The following DNAJC14 variants were observed in gnomAD, a reference collection of about 807,000 sequenced individuals.
The protein encoded by DNAJC14 is DnaJ heat shock protein family (Hsp40) member C14, also known as dnaJ homolog subfamily C member 14.
Under a neutral mutation model 68.8 loss-of-function variants are expected in DNAJC14, and 12 were observed. The observed-to-expected ratio is 0.17, with a 90% confidence interval of 0.11 to 0.28. The LOEUF (loss-of-function observed/expected upper bound fraction) is 0.28, where lower values mean the gene tolerates loss of function less well. Ranked by LOEUF, DNAJC14 falls within the 10% of genes least tolerant of loss-of-function variation. The pLI, the probability that DNAJC14 is intolerant of heterozygous loss-of-function variation, is 1.00. For missense variants in DNAJC14, 764 were observed against 875.6 expected (o/e 0.87, Z 1.61); for synonymous variants, 350 against 321.5 (o/e 1.09, Z -0.95).
Position 55,827,834 on chromosome 12 carries a change from G to A in DNAJC14, c.825C>T (p.Ala275=), listed in dbSNP as rs1003345099. 6.2e-7 allele frequency: 1 copy of A among 1,613,996 alleles called. No homozygotes were observed. Among genetic ancestry groups the A allele is most frequent in the Non-Finnish European group, 8.5e-7 (1 of 1,179,896 alleles). ...AATCACTGCTTTTCAGTTGCCTGCA[G>A]GCATAGATGAGATGGCCACAAGTTT... The part of the protein sequence containing the change: ...YVETCGHLIY[A]CRQLKSSDLD... Residue 275 remains alanine, a synonymous_variant, in exon 2 of 7, where the codon GCC becomes GCT. Coordinates refer to ENST00000678005, the MANE Select transcript of DNAJC14 (RefSeq NM_032364.6).
chr12:55,823,641 ACT>A (rs1168959380), intron 2 of DNAJC14, 133 bp from the exon 3 acceptor site: 45 of 671,134 alleles, frequency 6.7e-5, no homozygotes, highest in African/African-American at 5.5e-5. Flanking sequence ...AACTGCTCTG[ACT>A]CTGCAGATCT....
intron 4 of DNAJC14, 142 bp from the exon 5 acceptor site, chr12:55,822,874 T>C (rs997761739): frequency 1.1e-5 from 15 of 1,392,278 alleles, no homozygotes; most frequent in African/African-American, 1.4e-5. Flanking sequence ...CAACGTTCTA[T>C]CCTAAAGCTA....
Position 55,822,160 on chromosome 12 carries a change from A to G in DNAJC14, c.1926T>C (p.Asp642=). ...QRATPDAPPA[D]LQDFLSRIFQ... is the part of the protein sequence containing the mutation. ...AGATCCGACTCAAGAAATCCTGAAG[A>G]TCAGCAGGAGGGGCATCTGGGGTGG... is the stretch of plus-strand genomic sequence containing the variant. The change falls in exon 7 of 7, where the codon GAT becomes GAC. Residue 642 remains aspartate (D), a synonymous_variant. Coordinates refer to ENST00000678005, the MANE Select transcript of DNAJC14 (RefSeq NM_032364.6). The G allele has an allele frequency of 6.2e-7, 1 of 1,603,350 alleles. No individual in the cohort carries two copies.
upstream of DNAJC14, chr12:55,829,791 A>C (rs907621767): frequency 3.3e-5 from 6 of 184,496 alleles, no homozygotes; most frequent in African/African-American, 1.4e-4. Context: ...GCGTGTGGGA[A>C]TGGGATTCCC....
upstream of DNAJC14, chr12:55,829,678 A>G: frequency 1.1e-6 from 1 of 926,250 alleles, no homozygotes; most frequent in Non-Finnish European, 1.3e-6. Flanking sequence ...GAAAAGAAAT[A>G]GCGGTTGGCT....
chr12:55,823,701 C>CTTTTTTTT (rs57733478), intron 2 of DNAJC14, among the ~76,000 whole-genome samples, 193 bp from the exon 3 acceptor site: 1 of 129,826 alleles, frequency 7.7e-6, no homozygotes, highest in Non-Finnish European at 1.6e-5. Flanking sequence ...CCTTGAATAT[C>CTTTTTTTT]TTTTTTTTTT....
intron 6 of DNAJC14, 78 bp downstream of exon 6, chr12:55,822,295 T>C (rs1477521710): frequency 1.9e-5 from 29 of 1,552,206 alleles, no homozygotes; most frequent in Non-Finnish European, 2.5e-5. Flanking sequence ...GGCCCCTGGG[T>C]GTCCTAAAAA....
intron 2 of DNAJC14, among the ~76,000 whole-genome samples, chr12:55,826,271 CTTTTT>C (rs1164806475): frequency 2.3e-5 from 2 of 85,796 alleles, no homozygotes; most frequent in African/African-American, 9.9e-5. Flanking sequence ...GGGAAAATAT[CTTTTT>C]TTTTTTTTTT....
rs1880823228 is a variant in DNAJC14, at chr12:55,827,274, G to A, written c.1385C>T (p.Ala462Val). 1 of 1,556,248 alleles carries A rather than the reference G, an allele frequency of 6.4e-7. No homozygotes were observed. The highest frequency in any genetic ancestry group is 1.2e-5 in the South Asian group (1 of 82,514). ...CACCATCACTGCCAGCTGTCTATAG[G>A]CCTTCTTCAGTTCAACATCTGATGC... ...ATASDVELKK[A>V]YRQLAVMVHP... The change falls in exon 2 of 7, where the codon GCC (alanine) becomes GTC (valine). Residue 462 changes from alanine (A) to valine (V), a missense_variant. Around this residue, in one of 4 missense-constraint regions of DNAJC14, gnomAD observed 110 missense variants for 162.7 expected, o/e 0.68. Coordinates refer to ENST00000678005, the MANE Select transcript of DNAJC14 (RefSeq NM_032364.6).
At chr12:55,823,348 C>T in intron 3 of DNAJC14, 54 bp downstream of exon 3, 1 of 1,603,048 alleles carries the variant, frequency 6.2e-7, no homozygotes, top group South Asian at 1.1e-5. Context: ...GATGCCTCTG[C>T]TATTGAGGAT....
Position 55,823,161 on chromosome 12 carries a change from G to A in DNAJC14, c.1543C>T (p.Arg515Trp), listed in dbSNP as rs764647689. 17 of 1,613,944 alleles carry A rather than the reference G, an allele frequency of 1.1e-5. No individual in the cohort carries two copies. In the East Asian group the frequency reaches 2.7e-4, roughly 25 times the overall value. Residue 515 changes from arginine (R) to tryptophan (W), a missense_variant, in exon 4 of 7, where the codon CGG becomes TGG. By Grantham distance (101) the Arg-to-Trp change is moderately radical (BLOSUM62 -3). Around this residue, in one of 4 missense-constraint regions of DNAJC14, gnomAD observed 110 missense variants for 162.7 expected, o/e 0.68. Transcript: ENST00000678005. Reference sequence around the variant, plus strand: ...TTGGACAGAAACTCATTTACTGACCGGCTCAGCTCATTCTCTGCCATTCGT... The same window carrying A: ...TTGGACAGAAACTCATTTACTGACCAGCTCAGCTCATTCTCTGCCATTCGT... ...MKRMAENELS[R>W]SVNEFLSKLQ...
At position 55,828,275 on chromosome 12, in the gene DNAJC14, A is replaced by C. The variant is rs1158242364; in HGVS notation, c.384T>G (p.Ala128=). The C allele has an allele frequency of 6.2e-7, 1 of 1,606,762 alleles. No homozygotes were observed. The highest frequency in any genetic ancestry group is 1.1e-5 in the South Asian group (1 of 90,228). Residue 128 remains alanine (A), a synonymous_variant, in exon 2 of 7, where the codon GCT becomes GCG. Transcript: ENST00000678005. ...TTCCAGGTGTTCCCTGGCAGTTGCAAGCAGATGGAATGGAAAGAAAAGAGT... is the reference window on the plus strand; with the variant it reads ...TTCCAGGTGTTCCCTGGCAGTTGCACGCAGATGGAATGGAAAGAAAAGAGT... ...DGNSFLSIPS[A]CNCQGTPGIP...
rs1251013955 is a variant in DNAJC14, at chr12:55,822,173, G to C, written c.1913C>G (p.Ala638Gly). 1 of 1,597,118 alleles carries C rather than the reference G, an allele frequency of 6.3e-7. No homozygotes were observed. Among genetic ancestry groups the C allele is most frequent in the Non-Finnish European group, 8.5e-7 (1 of 1,171,768 alleles). The change falls in exon 7 of 7, where the codon GCC becomes GGC. Residue 638 changes from alanine to glycine, a missense_variant. By Grantham distance (60) the Ala-to-Gly change is moderately conservative. Transcript: ENST00000678005. ...GAAATCCTGAAGATCAGCAGGAGGG[G>C]CATCTGGGGTGGCTCTGAGGTAAAA... ...TRGRQRATPD[A>G]PPADLQDFLS...
At chr12:55,827,055 G>T (rs10876854) in intron 2 of DNAJC14, among the ~76,000 whole-genome samples, 197 bp downstream of exon 2, 107,920 of 151,136 alleles carry the variant, frequency 0.71, 44,970 homozygotes, top group Non-Finnish European at 0.93. Context: ...GCCGGGCATG[G>T]TGGCGCGCAC....
chr12:55,827,159 C>T, intron 2 of DNAJC14, 93 bp downstream of exon 2: 1 of 1,299,414 alleles, frequency 7.7e-7, no homozygotes, highest in Non-Finnish European at 9.9e-7. Context: ...CCACTGCACT[C>T]CAGCCTGGGT....
At position 55,823,076 on chromosome 12, in the gene DNAJC14, T is replaced by C. The variant is rs1174027957; in HGVS notation, c.1628A>G (p.Lys543Arg). The change falls in exon 4 of 7, where the codon AAG becomes AGG. Residue 543 changes from lysine (K) to arginine (R), a missense_variant. By Grantham distance (26) the Lys-to-Arg change is conservative. Transcript: ENST00000678005. ...NTMMCSRCQG[K>R]HRRFEMDREP... ...CTCTCCTTCTATTTCATACCTATGCTTTCCTTGGCATCGGCTACACATCAT... is the reference window on the plus strand; with the variant it reads ...CTCTCCTTCTATTTCATACCTATGCCTTCCTTGGCATCGGCTACACATCAT... 3 of 1,613,946 alleles carry C rather than the reference T, an allele frequency of 1.9e-6. No homozygotes were observed. Among genetic ancestry groups the C allele is most frequent in the African/African-American group, 2.7e-5 (2 of 74,936 alleles).
chr12:55,822,507 T>C, intron 5 of DNAJC14, 32 bp from the exon 6 acceptor site: 1 of 1,613,684 alleles, frequency 6.2e-7, no homozygotes, highest in South Asian at 1.1e-5. Flanking sequence ...AGCCAAAACG[T>C]CGCAGTTTAG....
Position 55,823,088 on chromosome 12 carries a change from C to T in DNAJC14, c.1616G>A (p.Arg539Gln), listed in dbSNP as rs1450691588. Reference protein sequence around the residue: ...KEAMNTMMCSRCQGKHRRFEM... With the variant: ...KEAMNTMMCSQCQGKHRRFEM... ...TTCATACCTATGCTTTCCTTGGCAT[C>T]GGCTACACATCATAGTATTCATTGC... is the stretch of plus-strand genomic sequence containing the variant. The change falls in exon 4 of 7, where the codon CGA becomes CAA. Residue 539 changes from arginine to glutamine, a missense_variant. Physicochemically the swap from Arg to Gln is conservative, Grantham distance 43. Transcript: ENST00000678005. The T allele has an allele frequency of 5.0e-6, 8 of 1,613,954 alleles. No individual in the cohort carries two copies. The highest frequency in any genetic ancestry group is 2.7e-5 in the African/African-American group (2 of 74,916).
intron 2 of DNAJC14, among the ~76,000 whole-genome samples, chr12:55,824,291 C>G (rs1565689108): frequency 1.3e-5 from 2 of 152,244 alleles, no homozygotes; most frequent in East Asian, 1.9e-4. Context: ...TCTTTTTTAA[C>G]TAGAAAATTC....
Sources: gnomAD v4.1 joint callset for allele counts (sites outside exome capture counted in the v4.1 genomes callset) on GRCh38, gnomAD v4.1.1 for gene constraint, gnomAD v4.1.1 regional missense constraint, MANE v1.5 for transcripts, NCBI Gene and HGNC (gene_info 2026-07-23, HGNC 2026-07-21) for gene names.